Variants in ADCY8 observed in about 807,000 individuals in gnomAD.
ADCY8 encodes the protein adenylate cyclase 8.
Under a neutral mutation model 119.7 loss-of-function variants are expected in ADCY8, and 51 were observed. The ratio of observed to expected loss-of-function variants is 0.43; its 90% CI spans 0.34 to 0.54. ADCY8 has a LOEUF of 0.54. ADCY8 is among the 20% of genes least tolerant of loss of function. The pLI, the probability that ADCY8 is intolerant of heterozygous loss-of-function variation, is 0.03. For synonymous variants in ADCY8, 665 were observed against 651.0 expected, an observed-to-expected ratio of 1.02 and a Z score of -0.33; for missense variants, 1,383 against 1,598.8, an observed-to-expected ratio of 0.87 and a Z score of 2.30.
intron 5 of ADCY8, among the ~76,000 whole-genome samples, chr8:130,936,629 G>A (rs796679516): frequency 1.1e-4 from 16 of 152,206 alleles, no homozygotes; most frequent in African/African-American, 3.9e-4. Context: ...TTCTATTCCG[G>A]AAAGCCTTCC....
intron 1 of ADCY8, among the ~76,000 whole-genome samples, chr8:131,021,644 C>T (rs780587426): frequency 1.2e-4 from 18 of 152,112 alleles, no homozygotes; most frequent in Admixed American, 1.2e-3. Context: ...ATGATGTTCT[C>T]GTGATAGTGA....
At chr8:130,871,663 TG>T (rs1337019877) in intron 8 of ADCY8, among the ~76,000 whole-genome samples, 2 of 152,212 alleles carry the variant, frequency 1.3e-5, no homozygotes, top group African/African-American at 4.8e-5. Flanking sequence ...TCTATTCCTC[TG>T]TACAGTATTG....
Position 130,803,413 on chromosome 8 carries a change from A to G in ADCY8, c.2914-2841T>C, listed in dbSNP as rs554285813. 1.2e-4 allele frequency among the ~76,000 whole-genome samples: 18 copies of G among 152,330 alleles called. No homozygotes were observed. The South Asian group carries it at 3.7e-3, about 32-fold the overall frequency. ...TCTTCCTTCAAGTGTGGATTCCATGAGGGCAAAAACCACATGCCATTCATC... is the reference window on the plus strand; with the variant it reads ...TCTTCCTTCAAGTGTGGATTCCATGGGGGCAAAAACCACATGCCATTCATC... On this transcript the variant is annotated intron_variant, in intron 14 of 17. Transcript: ENST00000286355.
chr8:130,906,901 G>A (rs1455329335), intron 6 of ADCY8, among the ~76,000 whole-genome samples: 1 of 151,364 alleles, frequency 6.6e-6, no homozygotes, highest in African/African-American at 2.4e-5. Context: ...ACATTTCTTT[G>A]TCTCCTTTTG....
chr8:130,886,638 A>G (rs775771501), intron 7 of ADCY8, among the ~76,000 whole-genome samples: 6 of 152,100 alleles, frequency 3.9e-5, no homozygotes, highest in Non-Finnish European at 5.9e-5. Context: ...TCGTCTGACC[A>G]TACATTCTGA....
intron 1 of ADCY8, among the ~76,000 whole-genome samples, chr8:131,026,975 T>G (rs113761373): frequency 6.6e-6 from 1 of 152,154 alleles, no homozygotes; most frequent in Non-Finnish European, 1.5e-5. Flanking sequence ...AATGAAAAAA[T>G]TGCAGATCAA....
At chr8:130,821,216 T>C (rs1816497618) in intron 13 of ADCY8, 126 bp downstream of exon 13, 1 of 683,624 alleles carries the variant, frequency 1.5e-6, no homozygotes, top group Non-Finnish European at 2.5e-6. Context: ...TAGGAATTGA[T>C]TCTTTAAGAA....
intron 9 of ADCY8, among the ~76,000 whole-genome samples, chr8:130,854,562 C>A (rs1817645382): frequency 6.6e-6 from 1 of 152,272 alleles, no homozygotes; most frequent in Admixed American, 6.5e-5. Flanking sequence ...TTGATCCTTG[C>A]AGCAACCCTG....
At position 131,039,537 on chromosome 8, in the gene ADCY8, A is replaced by G; in HGVS notation, c.797T>C (p.Leu266Pro). ...CACGTAGCCTATGCCGTCGCCCAGG[A>G]GCCCGTAGCCGAGGCCTGCTGCCAG... is the stretch of plus-strand genomic sequence containing the variant. ...QILAAGLGYG[L>P]LGDGIGYVLF... The change falls in exon 1 of 18, where the codon CTC (leucine) becomes CCC (proline). Residue 266 changes from leucine to proline, a missense_variant. Leu to Pro is a moderately conservative substitution (Grantham distance 98, BLOSUM62 -3). This residue lies in a region of ADCY8 where 455 missense variants were observed against 435.3 expected (regional missense o/e 1.05). Transcript: ENST00000286355. The G allele has an allele frequency of 6.2e-7, 1 of 1,613,798 alleles. No individual in the cohort carries two copies. The highest frequency in any genetic ancestry group is 8.5e-7 in the Non-Finnish European group (1 of 1,180,000).
At chr8:130,921,850 A>G (rs933413585) in intron 5 of ADCY8, among the ~76,000 whole-genome samples, 10 of 152,302 alleles carry the variant, frequency 6.6e-5, no homozygotes, top group African/African-American at 2.4e-4. Context: ...TGGTTTGAAT[A>G]TGTCCCACAT....
At chr8:130,818,139 G>A (rs192221256) in intron 13 of ADCY8, among the ~76,000 whole-genome samples, 27 of 152,298 alleles carry the variant, frequency 1.8e-4, no homozygotes, top group Admixed American at 8.5e-4. Flanking sequence ...TCAATAAACT[G>A]TAAGAAATGA....
intron 8 of ADCY8, among the ~76,000 whole-genome samples, chr8:130,873,033 A>G (rs769540826): frequency 2.6e-5 from 4 of 152,240 alleles, no homozygotes; most frequent in Admixed American, 6.5e-5. Context: ...GTCTGATCAC[A>G]TGCAAAACAA....
intron 3 of ADCY8, among the ~76,000 whole-genome samples, chr8:130,947,402 C>T (rs1009891053): frequency 2.0e-5 from 3 of 152,176 alleles, no homozygotes; most frequent in African/African-American, 4.8e-5. Flanking sequence ...CATAAGAAGA[C>T]AACTTGTAAA....
chr8:131,022,488 T>A (rs1314082177), intron 1 of ADCY8, among the ~76,000 whole-genome samples: 1 of 152,236 alleles, frequency 6.6e-6, no homozygotes, highest in Non-Finnish European at 1.5e-5. Context: ...TTCCATGGTG[T>A]ATATGTGCCA....
chr8:130,871,005 C>A (rs548372932), intron 8 of ADCY8, among the ~76,000 whole-genome samples: 1 of 152,254 alleles, frequency 6.6e-6, no homozygotes, highest in Non-Finnish European at 1.5e-5. Flanking sequence ...TTAGCATAAT[C>A]ACATAAAAGA....
intron 5 of ADCY8, among the ~76,000 whole-genome samples, chr8:130,913,126 T>A (rs1289666960): frequency 6.6e-6 from 1 of 152,304 alleles, no homozygotes. Flanking sequence ...AGGCATGCAA[T>A]GTGAAATAAT....
chr8:130,870,170 T>C (rs1225176878), intron 8 of ADCY8, among the ~76,000 whole-genome samples: 1 of 151,628 alleles, frequency 6.6e-6, no homozygotes, highest in Admixed American at 6.6e-5. Flanking sequence ...CCCACCACCA[T>C]GCCTGGCTAA....
intron 14 of ADCY8, among the ~76,000 whole-genome samples, chr8:130,802,877 G>C (rs1054010348): frequency 6.6e-6 from 1 of 152,222 alleles, no homozygotes; most frequent in African/African-American, 2.4e-5. Context: ...AGTGGGAACT[G>C]CTGGAGAGTC....
chr8:130,818,619 T>G (rs1277466399), intron 13 of ADCY8, among the ~76,000 whole-genome samples: 2 of 152,208 alleles, frequency 1.3e-5, no homozygotes, highest in East Asian at 1.9e-4. Context: ...CAGGCATCAG[T>G]GGGCATTATT....
Sources: gnomAD v4.1 joint callset for allele counts (sites outside exome capture counted in the v4.1 genomes callset) on GRCh38, gnomAD v4.1.1 for gene constraint, gnomAD v4.1.1 regional missense constraint, MANE v1.5 for transcripts, NCBI Gene and HGNC (gene_info 2026-07-23, HGNC 2026-07-21) for gene names.